FAR2: variants seen among roughly 807,000 people sequenced by gnomAD.
The protein encoded by FAR2 is fatty acyl-CoA reductase 2.
Under a neutral mutation model 56.0 loss-of-function variants are expected in FAR2, and 19 were observed. The observed-to-expected ratio is 0.34, with a 90% CI of 0.24 to 0.50. FAR2 has a LOEUF of 0.50. Ranked by LOEUF, FAR2 falls within the 20% of genes least tolerant of loss-of-function variation. The pLI is 0.98. For synonymous variants in FAR2, 219 were observed against 218.8 expected, an observed-to-expected ratio of 1.00 and a Z score of -0.01; for missense variants, 508 against 642.2, an observed-to-expected ratio of 0.79 and a Z score of 2.26.
chr12:29,286,193 G>A (rs1948874376), intron 2 of FAR2, among the ~76,000 whole-genome samples: 1 of 152,018 alleles, frequency 6.6e-6, no homozygotes, highest in Admixed American at 6.6e-5. Context: ...ACTACAAAGC[G>A]GTGGGCACTA....
chr12:29,185,470 C>G (rs1215433165), intron 1 of FAR2, among the ~76,000 whole-genome samples: 1 of 152,146 alleles, frequency 6.6e-6, no homozygotes, highest in Non-Finnish European at 1.5e-5. Context: ...GAAAAATAAA[C>G]TTCATACAAA....
chr12:29,246,665 T>C (rs1385331686), intron 1 of FAR2, among the ~76,000 whole-genome samples: 1 of 134,402 alleles, frequency 7.4e-6, no homozygotes, highest in Non-Finnish European at 1.6e-5. Context: ...ACAGCAGACT[T>C]AATAATATGA....
intron 10 of FAR2, among the ~76,000 whole-genome samples, chr12:29,323,100 C>CG (rs1949580207): frequency 6.6e-6 from 1 of 152,146 alleles, no homozygotes; most frequent in Non-Finnish European, 1.5e-5. Flanking sequence ...ACACCATGTG[C>CG]GGGAGCACAT....
chr12:29,208,152 G>GCTTTGAGCTCAGCTCAAA (rs1947498268), intron 1 of FAR2, among the ~76,000 whole-genome samples: 1 of 152,188 alleles, frequency 6.6e-6, no homozygotes, highest in South Asian at 2.1e-4. Flanking sequence ...TTCCTAGCTG[G>GCTTTGAGCTCAGCTCAAA]GCAAGAGCTT....
At chr12:29,169,443 A>G (rs1045135138) in intron 1 of FAR2, among the ~76,000 whole-genome samples, 2 of 152,220 alleles carry the variant, frequency 1.3e-5, no homozygotes, top group Admixed American at 6.5e-5. Context: ...TTAAAAATAC[A>G]GGGCCTGAAG....
At chr12:29,322,386 G>T (rs1011476541) in intron 10 of FAR2, among the ~76,000 whole-genome samples, 2 of 152,146 alleles carry the variant, frequency 1.3e-5, no homozygotes, top group Non-Finnish European at 2.9e-5. Flanking sequence ...TCCTTACCTT[G>T]TTAAAGCTAA....
At chr12:29,186,690 G>A (rs1950043517) in intron 1 of FAR2, among the ~76,000 whole-genome samples, 1 of 151,924 alleles carries the variant, frequency 6.6e-6, no homozygotes, top group Non-Finnish European at 1.5e-5. Context: ...TATTTATGTA[G>A]GATAGTACCT....
chr12:29,321,441 G>T (rs942597769), intron 9 of FAR2, among the ~76,000 whole-genome samples: 1 of 152,052 alleles, frequency 6.6e-6, no homozygotes. Flanking sequence ...AAAGAAAGAT[G>T]AGAAAGTTTT....
At chr12:29,310,256 T>G (rs1949325485) in intron 6 of FAR2, among the ~76,000 whole-genome samples, 1 of 152,228 alleles carries the variant, frequency 6.6e-6, no homozygotes, top group Admixed American at 6.5e-5. Flanking sequence ...ATGTTCTAAA[T>G]TGGTTTCTTA....
intron 1 of FAR2, among the ~76,000 whole-genome samples, chr12:29,202,421 A>T (rs1565469158): frequency 6.6e-6 from 1 of 152,234 alleles, no homozygotes; most frequent in Non-Finnish European, 1.5e-5. Context: ...ACAGATCAAC[A>T]TGGTGGCAGT....
intron 9 of FAR2, chr12:29,317,809 T>C (rs1949478701): frequency 6.6e-6 from 1 of 152,638 alleles, no homozygotes; most frequent in African/African-American, 2.4e-5. Flanking sequence ...ATCCCAATTT[T>C]ACAAATGGGG....
intron 1 of FAR2, among the ~76,000 whole-genome samples, chr12:29,187,063 C>T (rs2136603305): frequency 6.6e-6 from 1 of 152,306 alleles, no homozygotes; most frequent in African/African-American, 2.4e-5. Context: ...GCTGGGATTA[C>T]AGGTGTGAGC....
At chr12:29,183,162 C>T (rs991930099) in intron 1 of FAR2, among the ~76,000 whole-genome samples, 7 of 152,048 alleles carry the variant, frequency 4.6e-5, no homozygotes, top group African/African-American at 1.7e-4. Context: ...TTCTTTTTGG[C>T]CTTTATGACA....
At chr12:29,324,096 C>T (rs994563852) in intron 10 of FAR2, among the ~76,000 whole-genome samples, 17 of 152,212 alleles carry the variant, frequency 1.1e-4, no homozygotes, top group Admixed American at 6.5e-4. Context: ...AACTACGTGA[C>T]GAATGCACAA....
chr12:29,202,852 C>T (rs987606983), intron 1 of FAR2, among the ~76,000 whole-genome samples: 1 of 152,132 alleles, frequency 6.6e-6, no homozygotes, highest in Non-Finnish European at 1.5e-5. Flanking sequence ...CCTGCAAAAC[C>T]GTGAGCCAAA....
chr12:29,324,405 A>G (rs1402948963), intron 10 of FAR2, among the ~76,000 whole-genome samples: 2 of 152,160 alleles, frequency 1.3e-5, no homozygotes, highest in African/African-American at 2.4e-5. Context: ...GAATGCCACA[A>G]AGATACTCCT....
At chr12:29,177,689 G>T (rs1029078550) in intron 1 of FAR2, among the ~76,000 whole-genome samples, 6 of 152,124 alleles carry the variant, frequency 3.9e-5, no homozygotes, top group African/African-American at 1.4e-4. Flanking sequence ...ACAGATCTCA[G>T]AACTGGACAA....
intron 4 of FAR2, 82 bp from the exon 5 acceptor site, chr12:29,307,576 T>G (rs937928943): frequency 7.2e-7 from 1 of 1,380,270 alleles, no homozygotes; most frequent in South Asian, 1.4e-5. Context: ...AGGTGGAAGT[T>G]TTGTTTGATT....
intron 1 of FAR2, among the ~76,000 whole-genome samples, chr12:29,217,101 A>G (rs1470888899): frequency 2.6e-5 from 4 of 152,238 alleles, no homozygotes; most frequent in Non-Finnish European, 5.9e-5. Context: ...AGATTAGGAT[A>G]TTCTGACTAG....
Sources: gnomAD v4.1 joint callset for allele counts (sites outside exome capture counted in the v4.1 genomes callset) on GRCh38, gnomAD v4.1.1 for gene constraint, MANE v1.5 for transcripts, NCBI Gene and HGNC (gene_info 2026-07-23, HGNC 2026-07-21) for gene names.